The following UBL3 variants were observed in gnomAD, a reference collection of about 807,000 sequenced individuals.
UBL3 encodes the protein ubiquitin like 3.
A neutral mutation model predicts 18.4 loss-of-function variants in UBL3; 6 were observed. That is an observed-to-expected ratio of 0.33 (90% confidence interval 0.18 to 0.64). UBL3 has a LOEUF of 0.64. Ranked by LOEUF, UBL3 falls within the 30% of genes least tolerant of loss-of-function variation. The pLI, the probability that UBL3 is intolerant of heterozygous loss-of-function variation, is 0.76. For missense variants in UBL3, 109 were observed against 142.9 expected (o/e 0.76, Z 1.21); for synonymous variants, 49 against 46.6 (o/e 1.05, Z -0.21).
At chr13:29,775,497 G>A (rs967683780) in intron 2 of UBL3, among the ~76,000 whole-genome samples, 1 of 152,042 alleles carries the variant, frequency 6.6e-6, no homozygotes, top group East Asian at 1.9e-4. Context: ...AATTGCTACT[G>A]CTAATAAAAT....
intron 1 of UBL3, among the ~76,000 whole-genome samples, chr13:29,842,045 C>T (rs1419129887): frequency 6.6e-6 from 1 of 152,116 alleles, no homozygotes; most frequent in Admixed American, 6.5e-5. Context: ...TACTAACCCA[C>T]CTCCAGTTGA....
chr13:29,837,416 G>A (rs982582302), intron 1 of UBL3, among the ~76,000 whole-genome samples: 8 of 152,080 alleles, frequency 5.3e-5, no homozygotes, highest in Non-Finnish European at 5.9e-5. Context: ...CTGGATACTG[G>A]ACAGTGAAAA....
intron 1 of UBL3, among the ~76,000 whole-genome samples, chr13:29,785,832 T>C (rs1454735949): frequency 6.6e-6 from 1 of 152,182 alleles, no homozygotes; most frequent in African/African-American, 2.4e-5. Context: ...TACAAACAGA[T>C]AACTACAGGA....
intron 1 of UBL3, among the ~76,000 whole-genome samples, chr13:29,833,969 C>T (rs539696023): frequency 1.3e-5 from 2 of 152,178 alleles, no homozygotes; most frequent in African/African-American, 2.4e-5. Flanking sequence ...GGGCAGATCA[C>T]GAGGTCAAGA....
intron 1 of UBL3, among the ~76,000 whole-genome samples, chr13:29,829,737 T>G (rs1290264507): frequency 3.3e-5 from 5 of 152,182 alleles, no homozygotes; most frequent in Non-Finnish European, 5.9e-5. Flanking sequence ...ATGAACCCAG[T>G]ACCTCAGTTG....
rs78030763 is a variant in UBL3, at chr13:29,797,585, A to G, written c.28-20322T>C. Among the ~76,000 whole-genome samples the G allele has an allele frequency of 7.8e-3, 1,181 of 151,634 alleles. 15 individuals are homozygous for G. The highest frequency in any genetic ancestry group is 0.027 in the African/African-American group (1,123 of 41,512). ...TTTCAAATCTCTAATTTGACATTACATACATTACCTACATGCATTTGGGAG... is the reference window on the plus strand; with the variant it reads ...TTTCAAATCTCTAATTTGACATTACGTACATTACCTACATGCATTTGGGAG... On this transcript the variant is annotated intron_variant, in intron 1 of 4. Transcript: ENST00000380680.
At chr13:29,768,794 G>A (rs746886112) in intron 3 of UBL3, among the ~76,000 whole-genome samples, 7 of 152,020 alleles carry the variant, frequency 4.6e-5, no homozygotes, top group Non-Finnish European at 1.0e-4. Context: ...TCCTAGGCCT[G>A]ACTTAAATCA....
intron 1 of UBL3, among the ~76,000 whole-genome samples, chr13:29,786,724 G>A (rs1196747128): frequency 6.6e-6 from 1 of 151,572 alleles, no homozygotes; most frequent in Non-Finnish European, 1.5e-5. Context: ...CTAAATGGAT[G>A]GAAGAAGCTA....
At chr13:29,832,287 G>T (rs1251995679) in intron 1 of UBL3, among the ~76,000 whole-genome samples, 2 of 151,236 alleles carry the variant, frequency 1.3e-5, no homozygotes, top group Non-Finnish European at 2.9e-5. Flanking sequence ...GCCTAGCTCT[G>T]AATTTCAGAC....
In UBL3 at chr13:29,835,153, TA is replaced by T. The variant is rs1878921210; in HGVS notation, c.27+14358del. Among the ~76,000 whole-genome samples, 4 of 30,494 alleles carry T rather than the reference TA, an allele frequency of 1.3e-4. No homozygotes were observed. The South Asian group carries it at 4.6e-3, about 35-fold the overall frequency. The allele number at this position is 30,494 out of a possible 152,430, so 20.0% of individuals were successfully genotyped here. A position where few individuals can be genotyped will look rare whatever the true frequency, so the allele number is the denominator to read the frequency against. Reference sequence around the variant, plus strand: ...ATATATATATATATATATATATATATATATATATATATATATATATATATAT... The same window carrying T: ...ATATATATATATATATATATATATATTATATATATATATATATATATATAT... On this transcript the variant is annotated intron_variant, in intron 1 of 4. Coordinates refer to ENST00000380680, the MANE Select transcript of UBL3 (RefSeq NM_007106.4).
At chr13:29,821,612 GCTTT>G (rs1217009952) in intron 1 of UBL3, among the ~76,000 whole-genome samples, 3 of 152,158 alleles carry the variant, frequency 2.0e-5, no homozygotes, top group Non-Finnish European at 4.4e-5. Flanking sequence ...CTTTGGTTGA[GCTTT>G]CTAACACTTT....
chr13:29,849,598 GAA>G lies in UBL3; in HGVS notation c.-62_-61del, dbSNP rs1879317700. 6.2e-7 allele frequency: 1 copy of G among 1,600,966 alleles called. No homozygotes were observed. Among genetic ancestry groups the G allele is most frequent in the Non-Finnish European group, 8.5e-7 (1 of 1,171,566 alleles). On this transcript the variant is annotated 5_prime_UTR_variant, in exon 1 of 5. Transcript: ENST00000380680. Reference sequence around the variant, plus strand: ...AAAAACAAACAAAGAAAAAAGAGCAGAAGTCTTCACGTTACAGAAATAAACCA... The same window carrying G: ...AAAAACAAACAAAGAAAAAAGAGCAGGTCTTCACGTTACAGAAATAAACCA...
chr13:29,845,012 G>T (rs889156901), intron 1 of UBL3, among the ~76,000 whole-genome samples: 5 of 151,972 alleles, frequency 3.3e-5, no homozygotes, highest in African/African-American at 1.2e-4. Flanking sequence ...ATTTCTGAAT[G>T]TCTAAAAAAT....
At chr13:29,780,382 A>ATG (rs1877119731) in intron 1 of UBL3, among the ~76,000 whole-genome samples, 1 of 115,534 alleles carries the variant, frequency 8.7e-6, no homozygotes, top group Non-Finnish European at 1.8e-5. Flanking sequence ...ATATATATAT[A>ATG]TATATATATG....
chr13:29,828,050 C>T (rs893769583), intron 1 of UBL3, among the ~76,000 whole-genome samples: 7 of 152,196 alleles, frequency 4.6e-5, no homozygotes, highest in Non-Finnish European at 1.0e-4. Flanking sequence ...AAGAGATCAG[C>T]TGTTAGTCTG....
intron 1 of UBL3, among the ~76,000 whole-genome samples, chr13:29,847,036 T>A (rs1173294047): frequency 6.6e-6 from 1 of 152,214 alleles, no homozygotes; most frequent in Non-Finnish European, 1.5e-5. Context: ...CAATTGTCAA[T>A]TCATGGTATT....
intron 1 of UBL3, among the ~76,000 whole-genome samples, chr13:29,792,976 G>A (rs1001029913): frequency 6.6e-6 from 1 of 152,116 alleles, no homozygotes; most frequent in Non-Finnish European, 1.5e-5. Flanking sequence ...TAGAGGTAAA[G>A]GCATCACACT....
intron 1 of UBL3, among the ~76,000 whole-genome samples, chr13:29,818,911 A>G (rs1254264538): frequency 6.6e-6 from 1 of 152,210 alleles, no homozygotes; most frequent in Non-Finnish European, 1.5e-5. Flanking sequence ...CATGCTTTAT[A>G]TCTGTGTGTT....
chr13:29,844,660 G>A (rs946132000), intron 1 of UBL3, among the ~76,000 whole-genome samples: 1 of 152,076 alleles, frequency 6.6e-6, no homozygotes, highest in Non-Finnish European at 1.5e-5. Flanking sequence ...AAGGTTTCCA[G>A]GTTACCATGA....
Sources: gnomAD v4.1 joint callset for allele counts (sites outside exome capture counted in the v4.1 genomes callset) on GRCh38, gnomAD v4.1.1 for gene constraint, MANE v1.5 for transcripts, NCBI Gene and HGNC (gene_info 2026-07-23, HGNC 2026-07-21) for gene names.